The following PACS1 variants were observed in gnomAD, a reference collection of about 807,000 sequenced individuals.
PACS1 encodes the protein phosphofurin acidic cluster sorting protein 1.
PACS1 carries 24 observed loss-of-function variants against 115.0 expected under a neutral mutation model. That is an observed-to-expected ratio of 0.21 (90% confidence interval 0.15 to 0.29). The LOEUF is 0.29. PACS1 is among the 10% of genes least tolerant of loss of function. The pLI is 1.00. For synonymous variants in PACS1, 453 were observed against 504.5 expected (o/e 0.90, Z 1.37); for missense variants, 838 against 1,251.2 (o/e 0.67, Z 4.98).
At chr11:66,095,549 C>T (rs1013920997) in intron 1 of PACS1, among the ~76,000 whole-genome samples, 2 of 152,200 alleles carry the variant, frequency 1.3e-5, no homozygotes, top group African/African-American at 2.4e-5. Flanking sequence ...ACTCAATCTC[C>T]TGGATTCAAG....
At chr11:66,193,638 C>T (rs1039393619) in intron 2 of PACS1, 65 bp downstream of exon 2, 10 of 1,145,716 alleles carry the variant, frequency 8.7e-6, no homozygotes, top group South Asian at 5.1e-5. Flanking sequence ...CCCACTGCTG[C>T]GGCTTCAGAA....
At chr11:66,081,753 G>A (rs1857483856) in intron 1 of PACS1, among the ~76,000 whole-genome samples, 1 of 152,184 alleles carries the variant, frequency 6.6e-6, no homozygotes, top group African/African-American at 2.4e-5. Context: ...GACTTCTTTA[G>A]CCCTGGTTTG....
chr11:66,189,538 T>C (rs1854468586), intron 1 of PACS1, among the ~76,000 whole-genome samples: 1 of 152,234 alleles, frequency 6.6e-6, no homozygotes, highest in African/African-American at 2.4e-5. Flanking sequence ...CGTAACGTGA[T>C]TGTTTGCTTT....
chr11:66,122,467 G>GTA (rs779252001), intron 1 of PACS1, among the ~76,000 whole-genome samples: 15 of 152,170 alleles, frequency 9.9e-5, no homozygotes, highest in Non-Finnish European at 2.2e-4. Context: ...CATTTTGTAA[G>GTA]GTTATAGCTG....
chr11:66,220,657 C>T lies in PACS1; in HGVS notation c.1065C>T (p.Ser355=), dbSNP rs1238221432. ...TGGGCTTTGGGCTGGAGCATGTGTC[C>T]CGCGAGCAGATCCGGGAAGTGGAAG... ...DEVGFGLEHV[S]REQIREVEED... Residue 355 remains serine, a synonymous_variant, in exon 9 of 24, where the codon TCC becomes TCT. Coordinates refer to ENST00000320580, the MANE Select transcript of PACS1 (RefSeq NM_018026.4). The T allele has an allele frequency of 1.2e-6, 2 of 1,614,134 alleles. No individual in the cohort carries two copies. Among genetic ancestry groups the T allele is most frequent in the South Asian group, 2.2e-5 (2 of 91,078 alleles).
At chr11:66,160,166 T>C (rs1337652771) in intron 1 of PACS1, among the ~76,000 whole-genome samples, 1 of 152,220 alleles carries the variant, frequency 6.6e-6, no homozygotes, top group East Asian at 1.9e-4. Flanking sequence ...GTAATTCAAA[T>C]TGGAGTTTGA....
At chr11:66,195,964 A>T (rs1854640799) in intron 2 of PACS1, among the ~76,000 whole-genome samples, 1 of 152,230 alleles carries the variant, frequency 6.6e-6, no homozygotes, top group African/African-American at 2.4e-5. Context: ...TGACTTTTGC[A>T]CTGAAAGTAC....
intron 1 of PACS1, among the ~76,000 whole-genome samples, chr11:66,088,999 G>T (rs1315416479): frequency 6.6e-6 from 1 of 151,982 alleles, no homozygotes; most frequent in Non-Finnish European, 1.5e-5. Context: ...AGCTAATTTT[G>T]TAATTGTAAT....
In PACS1 at chr11:66,243,485, T is replaced by G; in HGVS notation, c.*205T>G. ...CCCACCCCTGCACAGCCCCTCCTCC[T>G]TCCCGCTTTTCCCCTTCTCCCTCCT... On this transcript the variant is annotated 3_prime_UTR_variant, in exon 24 of 24. Transcript: ENST00000320580. 5.5e-6 allele frequency: 3 copies of G among 543,768 alleles called. No homozygotes were observed. Among genetic ancestry groups the G allele is most frequent in the Non-Finnish European group, 6.5e-6 (2 of 309,696 alleles). 33.7% of individuals were successfully genotyped at this position (543,768 alleles called of 1,614,324 possible).
At chr11:66,141,314 C>T (rs1392251529) in intron 1 of PACS1, among the ~76,000 whole-genome samples, 1 of 151,910 alleles carries the variant, frequency 6.6e-6, no homozygotes, top group African/African-American at 2.4e-5. Flanking sequence ...TCCCCAGAGA[C>T]AGGGTCTCGC....
At chr11:66,078,365 T>C (rs1034419864) in intron 1 of PACS1, among the ~76,000 whole-genome samples, 30 of 152,270 alleles carry the variant, frequency 2.0e-4, no homozygotes, top group African/African-American at 6.0e-4. Context: ...ACCTGTTCCC[T>C]TCTTTGTAGT....
At chr11:66,222,993 C>T (rs1292943556) in intron 10 of PACS1, among the ~76,000 whole-genome samples, 1 of 147,382 alleles carries the variant, frequency 6.8e-6, no homozygotes, top group African/African-American at 2.5e-5. Flanking sequence ...AGACCCTGCA[C>T]CCTAGACGCC....
At chr11:66,118,935 T>C (rs1399584191) in intron 1 of PACS1, among the ~76,000 whole-genome samples, 5 of 152,260 alleles carry the variant, frequency 3.3e-5, no homozygotes, top group East Asian at 1.9e-4. Context: ...TGGGGAGATA[T>C]AGACAATTGA....
intron 1 of PACS1, among the ~76,000 whole-genome samples, chr11:66,120,317 G>T (rs915138641): frequency 6.6e-6 from 1 of 151,964 alleles, no homozygotes; most frequent in Non-Finnish European, 1.5e-5. Context: ...GGCTGTTCTT[G>T]AACTCCTGAC....
chr11:66,134,263 T>TTTTTTTC (rs1858783944), intron 1 of PACS1, among the ~76,000 whole-genome samples: 1 of 117,776 alleles, frequency 8.5e-6, no homozygotes, highest in Non-Finnish European at 1.8e-5. Flanking sequence ...TCTTTTTTTT[T>TTTTTTTC]TTTTTTTTTT....
chr11:66,086,857 T>C (rs1313712287), intron 1 of PACS1, among the ~76,000 whole-genome samples: 1 of 152,074 alleles, frequency 6.6e-6, no homozygotes, highest in East Asian at 1.9e-4. Context: ...CTTCAAGTGA[T>C]CCACCCACCT....
At chr11:66,160,881 C>G (rs1454680873) in intron 1 of PACS1, among the ~76,000 whole-genome samples, 1 of 152,056 alleles carries the variant, frequency 6.6e-6, no homozygotes, top group Non-Finnish European at 1.5e-5. Flanking sequence ...GTGTTAGCAT[C>G]TGGGCACATC....
At chr11:66,101,119 TA>T (rs1246176688) in intron 1 of PACS1, among the ~76,000 whole-genome samples, 1 of 152,242 alleles carries the variant, frequency 6.6e-6, no homozygotes, top group Non-Finnish European at 1.5e-5. Context: ...AATTTAAAAA[TA>T]TACTATTTTC....
rs1441447711 is a variant in PACS1, at chr11:66,244,221, C to G, written c.*941C>G. On this transcript the variant is annotated 3_prime_UTR_variant, in exon 24 of 24. Transcript: ENST00000320580. ...ACCATACATGCTGTCTGTGGCCCCT[C>G]AGACATTCTGTTTCATCTCCCATTC... 6.6e-6 allele frequency: 1 copy of G among 152,402 alleles called. No individual in the cohort carries two copies. The highest frequency in any genetic ancestry group is 1.5e-5 in the Non-Finnish European group (1 of 68,182). 9.4% of individuals were successfully genotyped at this position (152,402 alleles called of 1,614,324 possible). A position where few individuals can be genotyped will look rare whatever the true frequency, so the allele number is the denominator to read the frequency against.
Sources: allele counts gnomAD v4.1 joint callset (sites outside exome capture counted in the v4.1 genomes callset), GRCh38; gene constraint gnomAD v4.1.1; transcripts MANE v1.5; gene names NCBI Gene and HGNC (gene_info 2026-07-23, HGNC 2026-07-21).